The following P2RX5 variants were observed in gnomAD, a reference collection of about 807,000 sequenced individuals.
P2RX5 encodes the protein purinergic receptor P2X 5, also known as P2X purinoceptor 5.
In P2RX5, 46 loss-of-function variants were observed where a neutral mutation model predicts 54.1. The observed-to-expected ratio is 0.85, with a 90% CI of 0.67 to 1.09. The LOEUF is 1.09. P2RX5 is among the 50% of genes least tolerant of loss of function. The pLI is 0.00. For missense variants in P2RX5, 566 were observed against 549.8 expected (o/e 1.03, Z -0.29); for synonymous variants, 226 against 226.4 (o/e 1.00, Z 0.02).
the P2RX5 span, among the ~76,000 whole-genome samples, chr17:3,716,281 G>T: frequency 1.3e-5 from 2 of 152,094 alleles, no homozygotes; most frequent in Non-Finnish European, 2.9e-5. Flanking sequence ...ACAGGGGAAG[G>T]CAAGGAAAAG....
At position 3,696,031 on chromosome 17, in the gene P2RX5, A is replaced by G. The variant is rs1414534327; in HGVS notation, c.-26T>C. 1 of 1,611,842 alleles carries G rather than the reference A, an allele frequency of 6.2e-7. No homozygotes were observed. Among genetic ancestry groups the G allele is most frequent in the Non-Finnish European group, 8.5e-7 (1 of 1,178,992 alleles). ...GGCGCGCTCTCAGCCGGGCTTGCGG[A>G]CCGCCCGGCCCACGTGCGCTCATGG... On this transcript the variant is annotated 5_prime_UTR_variant, in exon 1 of 12. Transcript: ENST00000225328.
the P2RX5 span, among the ~76,000 whole-genome samples, chr17:3,708,865 T>C: frequency 9.7e-5 from 12 of 123,358 alleles, no homozygotes; most frequent in African/African-American, 3.4e-4. Context: ...ATCTTATTTA[T>C]GCAACCCCCC....
chr17:3,715,041 C>T, the P2RX5 span: 5 of 673,952 alleles, frequency 7.4e-6, no homozygotes, highest in Non-Finnish European at 1.3e-5. Context: ...CCCTATATTC[C>T]TCTGCTTCTC....
At position 3,691,843 on chromosome 17, in the gene P2RX5, G is replaced by A. The variant is rs761882993; in HGVS notation, c.138-49C>T. The A allele has an allele frequency of 7.7e-5, 124 of 1,607,606 alleles. 1 individual carries two copies. The highest frequency in any genetic ancestry group is 1.6e-4 in the East Asian group (7 of 44,848). ...GGGCATCAGCCACTCTGCTGGCTTCGGGGAGCTTCCCCAGGCCTTGGGGTG... is the reference window on the plus strand; with the variant it reads ...GGGCATCAGCCACTCTGCTGGCTTCAGGGAGCTTCCCCAGGCCTTGGGGTG... On this transcript the variant is annotated intron_variant, in intron 1 of 11. Coordinates refer to ENST00000225328, the MANE Select transcript of P2RX5 (RefSeq NM_002561.4).
the P2RX5 span, among the ~76,000 whole-genome samples, chr17:3,703,848 C>T: frequency 6.6e-6 from 1 of 152,342 alleles, no homozygotes; most frequent in South Asian, 2.1e-4. Context: ...CGCCTGTAAT[C>T]CCAGCACTTT....
In P2RX5 at chr17:3,690,075, G is replaced by A. The variant is rs2050568143; in HGVS notation, c.609C>T (p.Phe203=). 6.2e-7 allele frequency: 1 copy of A among 1,613,998 alleles called. No individual in the cohort carries two copies. Among genetic ancestry groups the A allele is most frequent in the Admixed American group, 1.7e-5 (1 of 60,014 alleles). ...KNHIRFPKFN[F]SKSNVMDVKD... ...CAGTAGCCAAGCCCACGTACTTGGAGAAGTTGAATTTGGGGAAACGGATGT... is the reference window on the plus strand; with the variant it reads ...CAGTAGCCAAGCCCACGTACTTGGAAAAGTTGAATTTGGGGAAACGGATGT... Residue 203 remains phenylalanine, a synonymous_variant, in exon 6 of 12, where the codon TTC becomes TTT. Coordinates refer to ENST00000225328, the MANE Select transcript of P2RX5 (RefSeq NM_002561.4).
the P2RX5 span, among the ~76,000 whole-genome samples, chr17:3,715,176 G>C: frequency 6.6e-6 from 1 of 152,116 alleles, no homozygotes. Flanking sequence ...CTGCTCTCCC[G>C]AGCAGCTGAA....
chr17:3,684,643 A>G (rs1344260465), intron 9 of P2RX5, among the ~76,000 whole-genome samples: 4 of 147,298 alleles, frequency 2.7e-5, no homozygotes, highest in Non-Finnish European at 6.0e-5. Context: ...TATAGTATCG[A>G]CCAGAAAAGT....
the P2RX5 span, among the ~76,000 whole-genome samples, chr17:3,709,823 C>T: frequency 6.6e-6 from 1 of 152,084 alleles, no homozygotes; most frequent in Non-Finnish European, 1.5e-5. Flanking sequence ...GCAGGAGAAT[C>T]GCTTGAACCC....
In P2RX5 at chr17:3,675,347, C is replaced by T. The variant is rs144322327; in HGVS notation, c.1260-1470G>A. ...GAGCCACCGTGCCCGGCTAGGAAGA[C>T]ATTTTTGTTGCAATATGAAACAAAT... On this transcript the variant is annotated intron_variant, in intron 11 of 11. Coordinates refer to ENST00000225328, the MANE Select transcript of P2RX5 (RefSeq NM_002561.4). 128 of 984,872 alleles carry T rather than the reference C, an allele frequency of 1.3e-4. No homozygotes were observed. In the African/African-American group the frequency reaches 2.0e-3, roughly 15 times the overall value. 61.0% of individuals were successfully genotyped at this position (984,872 alleles called of 1,614,324 possible).
chr17:3,699,794 T>C (rs756335460), upstream of P2RX5, among the ~76,000 whole-genome samples: 23 of 139,290 alleles, frequency 1.7e-4, no homozygotes, highest in Non-Finnish European at 2.5e-4. Flanking sequence ...GACAGAGTGA[T>C]ACTCCATCTA....
intron 9 of P2RX5, among the ~76,000 whole-genome samples, chr17:3,684,994 T>A (rs547713588): frequency 6.6e-6 from 1 of 152,030 alleles, no homozygotes; most frequent in African/African-American, 2.4e-5. Flanking sequence ...TACAAGCATG[T>A]GCCACCACAC....
chr17:3,678,588 C>CCT (rs1167604503), intron 11 of P2RX5, among the ~76,000 whole-genome samples: 6 of 152,198 alleles, frequency 3.9e-5, no homozygotes, highest in Admixed American at 2.6e-4. Context: ...GCAGCCCCTG[C>CCT]CTCTCTCTCT....
rs995563559 is a variant in P2RX5 at position 3,676,255 on chromosome 17, A to C, written c.1260-2378T>G. The C allele has an allele frequency of 3.0e-6, 3 of 985,454 alleles. No individual in the cohort carries two copies. In the South Asian group the frequency reaches 1.4e-4, roughly 46 times the overall value. 61.0% of individuals were successfully genotyped at this position (985,454 alleles called of 1,614,324 possible). On this transcript the variant is annotated intron_variant, in intron 11 of 11. Transcript: ENST00000225328. ...TAGTCAGCTCCCAAGCCCAACATCG[A>C]AACGTACTTCATGTCCATTTTTGAC... is the stretch of plus-strand genomic sequence containing the variant.
At chr17:3,679,060 A>AG (rs1010241563) in intron 11 of P2RX5, among the ~76,000 whole-genome samples, 5 of 152,132 alleles carry the variant, frequency 3.3e-5, no homozygotes, top group East Asian at 1.9e-4. Flanking sequence ...AGAGGGGCTG[A>AG]GGGGGGGTCA....
upstream of P2RX5, among the ~76,000 whole-genome samples, chr17:3,699,052 G>GACAC (rs71379596): frequency 2.6e-3 from 105 of 40,894 alleles, no homozygotes; most frequent in African/African-American, 4.7e-3. Flanking sequence ...TATATAGACA[G>GACAC]ACACACACAC....
chr17:3,694,809 A>C (rs930082505), intron 1 of P2RX5, among the ~76,000 whole-genome samples: 40 of 152,246 alleles, frequency 2.6e-4, no homozygotes, highest in African/African-American at 8.4e-4. Context: ...CAGCGACATC[A>C]GGCAAATGAT....
intron 9 of P2RX5, chr17:3,682,575 T>G (rs1286985091): frequency 5.9e-6 from 1 of 168,634 alleles, no homozygotes; most frequent in Non-Finnish European, 1.3e-5. Context: ...CCTGTTAGGC[T>G]TCTTAGAATG....
At position 3,690,227 on chromosome 17, in the gene P2RX5, G is replaced by A. The variant is rs1180713540; in HGVS notation, c.534-77C>T. 4 of 1,405,544 alleles carry A rather than the reference G, an allele frequency of 2.8e-6. No homozygotes were observed. In the East Asian group the frequency reaches 9.1e-5, roughly 32 times the overall value. 87.1% of individuals were successfully genotyped at this position (1,405,544 alleles called of 1,614,324 possible). On this transcript the variant is annotated intron_variant, in intron 5 of 11. Transcript: ENST00000225328. The stretch of plus-strand genomic sequence containing the variant: ...TCCCCCAGGCCTGGGCCAGTGTGAG[G>A]CCTGTTCCTTGGGTCCCCTGGAGCC...
Sources: allele counts gnomAD v4.1 joint callset (sites outside exome capture counted in the v4.1 genomes callset), GRCh38; gene constraint gnomAD v4.1.1; transcripts MANE v1.5; gene names NCBI Gene and HGNC (gene_info 2026-07-23, HGNC 2026-07-21).